MYRIP: variants seen among roughly 807,000 people sequenced by gnomAD.
MYRIP encodes the protein rab effector MyRIP.
In MYRIP, 49 loss-of-function variants were observed where a neutral mutation model predicts 98.0. That is an observed-to-expected ratio of 0.50 (90% confidence interval 0.40 to 0.63). The LOEUF (loss-of-function observed/expected upper bound fraction) is 0.63, where lower values mean the gene tolerates loss of function less well. Among genes scored for constraint, MYRIP ranks in the 30% least tolerant of loss-of-function variants. The pLI is 0.00. For missense variants in MYRIP, 1,004 were observed against 1,058.2 expected (o/e 0.95, Z 0.71); for synonymous variants, 404 against 409.5 (o/e 0.99, Z 0.16).
At chr3:40,222,877 T>G (rs4355221) in intron 11 of MYRIP, among the ~76,000 whole-genome samples, 2,496 of 152,348 alleles carry the variant, frequency 0.016, 17 homozygotes, top group East Asian at 0.031. Context: ...TTCATAAATC[T>G]ACATCATTTG....
At chr3:40,170,614 T>G (rs956335060) in intron 8 of MYRIP, among the ~76,000 whole-genome samples, 8 of 152,212 alleles carry the variant, frequency 5.3e-5, no homozygotes, top group Non-Finnish European at 7.3e-5. Context: ...AAGGGTTTGG[T>G]GCTGTTCCTG....
intron 1 of MYRIP, among the ~76,000 whole-genome samples, chr3:39,886,592 A>T (rs1943310042): frequency 6.6e-6 from 1 of 151,958 alleles, no homozygotes; most frequent in African/African-American, 2.4e-5. Context: ...GAGACAAAAA[A>T]GGCCATTATG....
intron 2 of MYRIP, among the ~76,000 whole-genome samples, chr3:39,905,739 T>C (rs1943863991): frequency 6.6e-6 from 1 of 152,236 alleles, no homozygotes; most frequent in Non-Finnish European, 1.5e-5. Flanking sequence ...AGCCCTTATA[T>C]AGTTACGATT....
chr3:40,042,891 A>G (rs1293312952), intron 2 of MYRIP, among the ~76,000 whole-genome samples: 3 of 152,158 alleles, frequency 2.0e-5, no homozygotes, highest in African/African-American at 4.8e-5. Flanking sequence ...TGCCCAGAAC[A>G]CTTACATTAG....
chr3:39,855,432 A>T (rs933160943), intron 1 of MYRIP, among the ~76,000 whole-genome samples: 3 of 152,104 alleles, frequency 2.0e-5, no homozygotes, highest in African/African-American at 7.2e-5. Flanking sequence ...CTACCAGAGC[A>T]GGTAGGGAAA....
chr3:39,897,006 C>A (rs1943625338), intron 1 of MYRIP, among the ~76,000 whole-genome samples: 2 of 152,184 alleles, frequency 1.3e-5, no homozygotes, highest in African/African-American at 4.8e-5. Context: ...CATCCATCAT[C>A]AGCTTCTTCT....
chr3:39,976,963 G>T (rs1945768975), intron 2 of MYRIP, among the ~76,000 whole-genome samples: 1 of 152,038 alleles, frequency 6.6e-6, no homozygotes, highest in African/African-American at 2.4e-5. Flanking sequence ...GAGTTAATGG[G>T]TGCAGGACAC....
intron 2 of MYRIP, among the ~76,000 whole-genome samples, chr3:39,969,940 A>T (rs781688202): frequency 6.6e-6 from 1 of 152,116 alleles, no homozygotes; most frequent in Non-Finnish European, 1.5e-5. Flanking sequence ...CTGAGAATCT[A>T]TCAGGTCCCA....
At chr3:40,167,080 T>C in intron 6 of MYRIP, 79 bp from the exon 7 acceptor site, 1 of 1,461,490 alleles carries the variant, frequency 6.8e-7, no homozygotes, top group Non-Finnish European at 9.6e-7. Context: ...GCTTTTGTGG[T>C]CAGGACTCTC....
chr3:40,011,403 C>T (rs1260541318), intron 2 of MYRIP, among the ~76,000 whole-genome samples: 2 of 152,198 alleles, frequency 1.3e-5, no homozygotes, highest in African/African-American at 2.4e-5. Context: ...GACCTAGGCT[C>T]ACCGTTAATC....
At chr3:40,244,915 A>G (rs1953141244) in intron 13 of MYRIP, among the ~76,000 whole-genome samples, 1 of 152,206 alleles carries the variant, frequency 6.6e-6, no homozygotes, top group Admixed American at 6.5e-5. Context: ...TTCCACTCCA[A>G]GACCATCCTT....
At chr3:40,066,071 G>A (rs76026017) in intron 3 of MYRIP, among the ~76,000 whole-genome samples, 43,729 of 151,744 alleles carry the variant, frequency 0.29, 6,308 homozygotes, top group East Asian at 0.35. Flanking sequence ...CTTCTGCACA[G>A]CCTCCTGGAG....
chr3:40,101,264 AT>A, intron 3 of MYRIP, among the ~76,000 whole-genome samples: 1 of 152,296 alleles, frequency 6.6e-6, no homozygotes, highest in East Asian at 1.9e-4. Context: ...TATTATAATC[AT>A]AAAAAGCAGC....
chr3:40,066,721 T>C (rs1948134811), intron 3 of MYRIP, among the ~76,000 whole-genome samples: 1 of 152,240 alleles, frequency 6.6e-6, no homozygotes, highest in Non-Finnish European at 1.5e-5. Flanking sequence ...TTACAGTTAA[T>C]ATAGTCTGCT....
intron 3 of MYRIP, among the ~76,000 whole-genome samples, chr3:40,106,275 G>T (rs1219261637): frequency 6.6e-6 from 1 of 151,788 alleles, no homozygotes; most frequent in Non-Finnish European, 1.5e-5. Context: ...AAAATTGCAG[G>T]AAACTCAACA....
At chr3:39,994,172 G>A (rs1371267096) in intron 2 of MYRIP, among the ~76,000 whole-genome samples, 3 of 152,246 alleles carry the variant, frequency 2.0e-5, no homozygotes, top group African/African-American at 7.2e-5. Context: ...ATCTCACTGG[G>A]GAGTGTCGGA....
chr3:40,063,956 G>A (rs527561183), intron 3 of MYRIP, among the ~76,000 whole-genome samples: 37 of 152,076 alleles, frequency 2.4e-4, no homozygotes, highest in Non-Finnish European at 5.0e-4. Flanking sequence ...GGATGCATGC[G>A]CTGGACTTCC....
At chr3:40,118,978 A>G (rs1279179119) in intron 3 of MYRIP, among the ~76,000 whole-genome samples, 2 of 151,754 alleles carry the variant, frequency 1.3e-5, no homozygotes, top group East Asian at 3.9e-4. Flanking sequence ...CCACTCTATC[A>G]TTGTTGGACA....
At chr3:40,147,878 A>T (rs1439388513) in intron 3 of MYRIP, among the ~76,000 whole-genome samples, 1 of 152,162 alleles carries the variant, frequency 6.6e-6, no homozygotes, top group East Asian at 1.9e-4. Flanking sequence ...AAATCCTGGG[A>T]CTTCTCTTCA....
Sources: gnomAD v4.1 joint callset for allele counts (sites outside exome capture counted in the v4.1 genomes callset) on GRCh38, gnomAD v4.1.1 for gene constraint, MANE v1.5 for transcripts, NCBI Gene and HGNC (gene_info 2026-07-23, HGNC 2026-07-21) for gene names.